KMT2C: variants seen among roughly 807,000 people sequenced by gnomAD.
KMT2C encodes histone-lysine N-methyltransferase 2C.
A neutral mutation model predicts 507.9 loss-of-function variants in KMT2C; 88 were observed. The ratio of observed to expected loss-of-function variants is 0.17; its 90% CI spans 0.15 to 0.21. KMT2C has a LOEUF of 0.21. Ranked by LOEUF, KMT2C falls within the 10% of genes least tolerant of loss-of-function variation. The pLI is 1.00. For synonymous variants in KMT2C, 2,049 were observed against 2,080.8 expected, an observed-to-expected ratio of 0.98 and a Z score of 0.42; for missense variants, 4,954 against 5,957.8, an observed-to-expected ratio of 0.83 and a Z score of 5.55.
At chr7:152,407,705 A>T (rs2097632576) in intron 1 of KMT2C, among the ~76,000 whole-genome samples, 10 of 152,154 alleles carry the variant, frequency 6.6e-5, no homozygotes, top group African/African-American at 1.9e-4. Context: ...GGAAAAAAAA[A>T]AAATAGGTCA....
intron 2 of KMT2C, among the ~76,000 whole-genome samples, chr7:152,345,055 T>C (rs1011252782): frequency 1.3e-5 from 2 of 151,536 alleles, no homozygotes; most frequent in African/African-American, 4.9e-5. Context: ...GACAAAAATA[T>C]GAACAAAGAA....
chr7:152,325,442 C>G (rs2096819397), intron 3 of KMT2C, among the ~76,000 whole-genome samples: 1 of 151,186 alleles, frequency 6.6e-6, no homozygotes, highest in African/African-American at 2.4e-5. Flanking sequence ...GCCACCGCAC[C>G]CGGCCCCTTT....
chr7:152,257,601 C>T (rs2095682035), intron 9 of KMT2C, among the ~76,000 whole-genome samples: 1 of 151,928 alleles, frequency 6.6e-6, no homozygotes, highest in African/African-American at 2.4e-5. Context: ...TTGCTACAAC[C>T]CAGAATTTTT....
intron 16 of KMT2C, among the ~76,000 whole-genome samples, chr7:152,230,731 T>A (rs1039421881): frequency 2.0e-5 from 3 of 152,342 alleles, no homozygotes; most frequent in Admixed American, 6.5e-5. Context: ...ATACAGCACA[T>A]AATTACATAT....
chr7:152,193,592 G>A (rs1300602700), intron 31 of KMT2C, among the ~76,000 whole-genome samples: 2 of 152,126 alleles, frequency 1.3e-5, no homozygotes, highest in African/African-American at 2.4e-5. Flanking sequence ...AAAAACATGG[G>A]GGTGGGGTGG....
Position 152,181,134 on chromosome 7 carries a change from G to A in KMT2C, c.6726C>T (p.Val2242=), listed in dbSNP as rs887523016. ...GFTRSSMTRP[V]LMPNQDPFLQ... is the part of the protein sequence containing the mutation. ...GGAAAGGATCCTGATTTGGCATGAG[G>A]ACTGGTCTTGTCATTGAGGACCTAG... Residue 2242 remains valine, a synonymous_variant, in exon 36 of 59, where the codon GTC becomes GTT. Coordinates refer to ENST00000262189, the MANE Select transcript of KMT2C (RefSeq NM_170606.3). The A allele has an allele frequency of 8.1e-6, 13 of 1,614,098 alleles. No individual in the cohort carries two copies. The highest frequency in any genetic ancestry group is 1.1e-5 in the Non-Finnish European group (13 of 1,180,058).
At position 152,249,945 on chromosome 7, in the gene KMT2C, C is replaced by A. The variant is rs1380949034; in HGVS notation, c.1744G>T (p.Val582Phe). ...TPGIVPDAVQ[V>F]HTEEQQKSHP... The stretch of plus-strand genomic sequence containing the variant: ...CTCTTCTGTTGCTCTTCAGTGTGGA[C>A]TTGAACCGCTGTGAGTAACACATTT... The change falls in exon 13 of 59, where the codon GTC becomes TTC. Residue 582 changes from valine (V) to phenylalanine (F), a missense_variant. By Grantham distance (50) the Val-to-Phe change is conservative. Coordinates refer to ENST00000262189, the MANE Select transcript of KMT2C (RefSeq NM_170606.3). 1.2e-6 allele frequency: 2 copies of A among 1,607,154 alleles called. No individual in the cohort carries two copies. Among genetic ancestry groups the A allele is most frequent in the Non-Finnish European group, 1.7e-6 (2 of 1,174,358 alleles).
At chr7:152,165,178 A>G (rs570684830) in intron 42 of KMT2C, among the ~76,000 whole-genome samples, 5 of 152,398 alleles carry the variant, frequency 3.3e-5, no homozygotes, top group South Asian at 4.1e-4. Flanking sequence ...AAGCACCTAC[A>G]ACACTATGTG....
intron 39 of KMT2C, 30 bp downstream of exon 39, chr7:152,174,101 C>T: frequency 8.8e-7 from 1 of 1,135,136 alleles, no homozygotes; most frequent in East Asian, 2.4e-5. Context: ...GTCTAGATGC[C>T]CAGTAGAAAC....
At chr7:152,298,215 A>G (rs1022706870) in intron 6 of KMT2C, among the ~76,000 whole-genome samples, 3 of 152,178 alleles carry the variant, frequency 2.0e-5, no homozygotes, top group African/African-American at 7.2e-5. Flanking sequence ...AGGAGAAAAA[A>G]GAGGAAGAGA....
intron 6 of KMT2C, among the ~76,000 whole-genome samples, chr7:152,289,995 C>T (rs966715325): frequency 6.6e-6 from 1 of 150,822 alleles, no homozygotes. Context: ...GAGCTGAGAT[C>T]GCACCACTGC....
At chr7:152,408,980 G>C (rs1589809457) in intron 1 of KMT2C, among the ~76,000 whole-genome samples, 1 of 151,800 alleles carries the variant, frequency 6.6e-6, no homozygotes, top group Non-Finnish European at 1.5e-5. Context: ...CATCAAACTG[G>C]GTGGGTTTCT....
At chr7:152,330,032 T>C (rs932950236) in intron 3 of KMT2C, among the ~76,000 whole-genome samples, 1 of 151,174 alleles carries the variant, frequency 6.6e-6, no homozygotes, top group Admixed American at 6.6e-5. Context: ...TAATCCTAGC[T>C]ACTCAGGAGC....
intron 44 of KMT2C, among the ~76,000 whole-genome samples, chr7:152,156,611 T>A (rs2092065568): frequency 6.6e-6 from 1 of 152,230 alleles, no homozygotes; most frequent in Non-Finnish European, 1.5e-5. Context: ...GCTAATTTCC[T>A]TTCTACCTGA....
At position 152,361,706 on chromosome 7, in the gene KMT2C, TAAA is replaced by T. The variant is rs918453654; in HGVS notation, c.162-3034_162-3032del. ...AACAAATGGTACATAGAAAATAACATAAAAAGATAAATATAAATATGAATTTTC... is the reference window on the plus strand; with the variant it reads ...AACAAATGGTACATAGAAAATAACATAAGATAAATATAAATATGAATTTTC... On this transcript the variant is annotated intron_variant, in intron 1 of 58. Coordinates refer to ENST00000262189, the MANE Select transcript of KMT2C (RefSeq NM_170606.3). Among the ~76,000 whole-genome samples, 6 of 151,982 alleles carry T rather than the reference TAAA, an allele frequency of 3.9e-5. No homozygotes were observed. The Middle Eastern group carries it at 0.017, about 431-fold the overall frequency.
intron 40 of KMT2C, among the ~76,000 whole-genome samples, chr7:152,170,176 T>C (rs4725443): frequency 0.092 from 14,038 of 152,254 alleles, 737 homozygotes; most frequent in East Asian, 0.14. Context: ...AAATTCATAG[T>C]GGAACTATAA....
At chr7:152,358,767 G>A (rs11982419) in intron 1 of KMT2C, 92 bp from the exon 2 acceptor site, 24,956 of 787,920 alleles carry the variant, frequency 0.032, 808 homozygotes, top group East Asian at 0.091. Context: ...CAATTTGAAG[G>A]TATACAAAAT....
chr7:152,380,739 T>TA (rs1392107416), intron 1 of KMT2C, among the ~76,000 whole-genome samples: 1 of 151,472 alleles, frequency 6.6e-6, no homozygotes, highest in Non-Finnish European at 1.5e-5. Flanking sequence ...TCTTGTAATT[T>TA]AAAAAATAAA....
chr7:152,217,253 T>C (rs2094607938), intron 23 of KMT2C, among the ~76,000 whole-genome samples: 1 of 152,232 alleles, frequency 6.6e-6, no homozygotes, highest in Non-Finnish European at 1.5e-5. Flanking sequence ...TTCCCTATTT[T>C]TTCTCCTGTA....
Sources: gnomAD v4.1 joint callset for allele counts (sites outside exome capture counted in the v4.1 genomes callset) on GRCh38, gnomAD v4.1.1 for gene constraint, MANE v1.5 for transcripts, NCBI Gene and HGNC (gene_info 2026-07-23, HGNC 2026-07-21) for gene names.